Variants in ZNF451 observed in about 807,000 individuals in gnomAD.
ZNF451 encodes the protein E3 SUMO-protein ligase ZNF451.
In ZNF451, 80 loss-of-function variants were observed where a neutral mutation model predicts 107.1. The ratio of observed to expected loss-of-function variants is 0.75; its 90% CI spans 0.62 to 0.90. ZNF451 has a LOEUF of 0.90. Ranked by LOEUF, ZNF451 falls within the 40% of genes least tolerant of loss-of-function variation. The probability of loss-of-function intolerance (pLI) is 0.00; values close to 1 mark genes in which losing one functional copy is unlikely to be tolerated. For missense variants in ZNF451, 1,107 were observed against 1,236.2 expected (o/e 0.90, Z 1.57); for synonymous variants, 362 against 406.5 (o/e 0.89, Z 1.32).
rs1249577759 is a variant in ZNF451, at chr6:57,099,399, A to C, written c.186+258A>C. On this transcript the variant is annotated intron_variant, in intron 3 of 14. Coordinates refer to ENST00000370706, the MANE Select transcript of ZNF451 (RefSeq NM_001031623.3). ...AGCCTTAGAGGTGATATCTGATAAA[A>C]TGGAAATGGAATAAAAACTGCAAGC... 3 of 708,060 alleles carry C rather than the reference A, an allele frequency of 4.2e-6. No individual in the cohort carries two copies. In the East Asian group the frequency reaches 8.1e-5, roughly 19 times the overall value. 43.9% of individuals were successfully genotyped at this position (708,060 alleles called of 1,614,324 possible). A position where few individuals can be genotyped will look rare whatever the true frequency, so the allele number is the denominator to read the frequency against.
chr6:57,130,994 A>G (rs958635142), intron 5 of ZNF451, among the ~76,000 whole-genome samples: 1 of 152,130 alleles, frequency 6.6e-6, no homozygotes, highest in African/African-American at 2.4e-5. Context: ...TATTCCATAA[A>G]TGGGCTTTAG....
At chr6:57,104,273 C>T (rs917815319) in intron 3 of ZNF451, 2 of 985,238 alleles carry the variant, frequency 2.0e-6, no homozygotes, top group African/African-American at 1.7e-5. Context: ...CAAGCAATCC[C>T]ATGTGCTCTT....
chr6:57,101,575 C>T (rs1187998933), intron 3 of ZNF451: 6 of 1,550,742 alleles, frequency 3.9e-6, no homozygotes, highest in Non-Finnish European at 3.5e-6. Context: ...CATTGCAGCC[C>T]GAGCTGCTAG....
chr6:57,167,918 T>C (rs1304082091), intron 14 of ZNF451, among the ~76,000 whole-genome samples: 2 of 152,260 alleles, frequency 1.3e-5, no homozygotes, highest in Admixed American at 1.3e-4. Flanking sequence ...ATGACATTTA[T>C]GTGGCTATGA....
At chr6:57,106,128 A>C in intron 3 of ZNF451, 1 of 985,384 alleles carries the variant, frequency 1.0e-6, no homozygotes, top group Non-Finnish European at 1.2e-6. Context: ...ACTGTAAACA[A>C]GGAGGTTGAA....
chr6:57,168,639 A>C lies in ZNF451; in HGVS notation c.*170A>C. The C allele has an allele frequency of 1.6e-6, 1 of 621,252 alleles. No homozygotes were observed. The highest frequency in any genetic ancestry group is 1.9e-5 in the South Asian group (1 of 52,860). The allele number at this position is 621,252 out of a possible 1,614,324, so 38.5% of individuals were successfully genotyped here. ...ATCTTTGTTTTGTATTTTTGTGCTA[A>C]TGTGCAAACATGTACAGAAGAAATA... On this transcript the variant is annotated 3_prime_UTR_variant, in exon 15 of 15. Coordinates refer to ENST00000370706, the MANE Select transcript of ZNF451 (RefSeq NM_001031623.3).
At chr6:57,130,645 A>G (rs1019581006) in intron 5 of ZNF451, among the ~76,000 whole-genome samples, 1 of 152,168 alleles carries the variant, frequency 6.6e-6, no homozygotes, top group African/African-American at 2.4e-5. Context: ...TATGCCCTTC[A>G]AGCTTAATAT....
chr6:57,167,700 G>A (rs1763958793), intron 14 of ZNF451, among the ~76,000 whole-genome samples: 1 of 152,138 alleles, frequency 6.6e-6, no homozygotes, highest in African/African-American at 2.4e-5. Flanking sequence ...AGAAGCTAGT[G>A]AAGGCCAAGA....
intron 3 of ZNF451, chr6:57,099,529 C>T: frequency 1.4e-6 from 1 of 716,448 alleles, no homozygotes; most frequent in Non-Finnish European, 2.6e-6. Context: ...AATTTGTTTT[C>T]TCTTAGAAAA....
intron 4 of ZNF451, 121 bp downstream of exon 4, chr6:57,124,980 G>C (rs998284663): frequency 1.1e-4 from 58 of 518,540 alleles, no homozygotes; most frequent in Non-Finnish European, 1.6e-4. Flanking sequence ...ACCCTAGATA[G>C]CTCATGAATT....
intron 3 of ZNF451, chr6:57,102,080 A>G (rs890335958): frequency 6.6e-7 from 1 of 1,516,466 alleles, no homozygotes; most frequent in Non-Finnish European, 8.8e-7. Flanking sequence ...CCAGAACGCC[A>G]TGGGTACAAG....
chr6:57,091,994 T>A (rs1190404582), intron 2 of ZNF451, among the ~76,000 whole-genome samples: 1 of 152,184 alleles, frequency 6.6e-6, no homozygotes, highest in Non-Finnish European at 1.5e-5. Flanking sequence ...ATTTTGATCT[T>A]CTACGGATTT....
intron 3 of ZNF451, chr6:57,104,514 A>G: frequency 1.0e-6 from 1 of 985,306 alleles, no homozygotes; most frequent in Non-Finnish European, 1.2e-6. Flanking sequence ...AAACCGAAAT[A>G]AGTTATGCCT....
chr6:57,128,784 G>T lies in ZNF451; in HGVS notation c.368G>T (p.Gly123Val). Residue 123 changes from glycine (G) to valine (V), a missense_variant, in exon 5 of 15, where the codon GGA (glycine) becomes GTA (valine). By Grantham distance (109) the Gly-to-Val change is moderately radical (BLOSUM62 -3). Transcript: ENST00000370706. The part of the protein sequence containing the change: ...HGLQELEFIR[G>V]HSDTEAARLC... ...TTACAAGAATTGGAATTTATTCGAGGACATTCTGATACAGAAGCAGCAAGA... is the reference window on the plus strand; with the variant it reads ...TTACAAGAATTGGAATTTATTCGAGTACATTCTGATACAGAAGCAGCAAGA... The T allele has an allele frequency of 6.2e-7, 1 of 1,612,996 alleles. No homozygotes were observed. The highest frequency in any genetic ancestry group is 8.5e-7 in the Non-Finnish European group (1 of 1,179,408).
intron 3 of ZNF451, among the ~76,000 whole-genome samples, chr6:57,121,205 G>T (rs537084487): frequency 6.6e-6 from 1 of 152,112 alleles, no homozygotes; most frequent in South Asian, 2.1e-4. Context: ...ATTTATGTGG[G>T]TCTATTTCTG....
At chr6:57,127,887 G>A (rs1283830597) in intron 4 of ZNF451, among the ~76,000 whole-genome samples, 1 of 152,158 alleles carries the variant, frequency 6.6e-6, no homozygotes, top group Non-Finnish European at 1.5e-5. Context: ...AGAGCATCTA[G>A]TTCAGCATTG....
chr6:57,166,556 A>G (rs1763908718), intron 14 of ZNF451, among the ~76,000 whole-genome samples: 1 of 152,208 alleles, frequency 6.6e-6, no homozygotes, highest in Non-Finnish European at 1.5e-5. Context: ...GTTAAAAACT[A>G]AGACACAAAC....
Position 57,153,886 on chromosome 6 carries a change from C to T in ZNF451, c.2909C>T (p.Pro970Leu). 6.2e-7 allele frequency: 1 copy of T among 1,614,132 alleles called. No homozygotes were observed. The highest frequency in any genetic ancestry group is 8.5e-7 in the Non-Finnish European group (1 of 1,180,034). ...GCTGGCCGTCTAGATGAACAACTAC[C>T]CAAGCAAATTCCTTTCACCATCCTC... ...MHAGRLDEQLPKQIPFTILSG... is the reference protein window; with the variant it reads ...MHAGRLDEQLLKQIPFTILSG... The change falls in exon 13 of 15, where the codon CCC (proline) becomes CTC (leucine). Residue 970 changes from proline to leucine, a missense_variant. Transcript: ENST00000370706.
chr6:57,104,000 T>C, intron 3 of ZNF451: 1 of 985,428 alleles, frequency 1.0e-6, no homozygotes, highest in Non-Finnish European at 1.2e-6. Flanking sequence ...TTGTTTGTCC[T>C]ATTTGTAGAT....
Sources: gnomAD v4.1 joint callset for allele counts (sites outside exome capture counted in the v4.1 genomes callset) on GRCh38, gnomAD v4.1.1 for gene constraint, MANE v1.5 for transcripts, NCBI Gene and HGNC (gene_info 2026-07-23, HGNC 2026-07-21) for gene names.